The following TMPRSS9 variants were observed in gnomAD, a reference collection of about 807,000 sequenced individuals.
The protein encoded by TMPRSS9 is transmembrane serine protease 9, also known as transmembrane protease serine 9.
TMPRSS9 carries 113 observed loss-of-function variants against 111.4 expected under a neutral mutation model. The observed-to-expected ratio is 1.01, with a 90% confidence interval of 0.87 to 1.19. TMPRSS9 has a LOEUF of 1.19. TMPRSS9 is among the 50% of genes most tolerant of loss of function. The pLI is 0.00. For synonymous variants in TMPRSS9, 805 were observed against 659.1 expected (o/e 1.22, Z -3.39); for missense variants, 1,803 against 1,513.1 (o/e 1.19, Z -3.18).
exon 4 of TMPRSS9, chr19:2,399,122 T>C: frequency 6.2e-7 from 1 of 1,613,594 alleles, no homozygotes; most frequent in Non-Finnish European, 8.5e-7. Context: ...CAGCGAGGGA[T>C]CCGGGCAAGG....
chr19:2,399,536 A>C (rs1431125465), intron 4 of TMPRSS9, among the ~76,000 whole-genome samples: 1 of 152,300 alleles, frequency 6.6e-6, no homozygotes, highest in South Asian at 2.1e-4. Context: ...AGATCGTGCC[A>C]TTGCACTCCA....
intron 1 of TMPRSS9, among the ~76,000 whole-genome samples, chr19:2,390,300 G>GCA (rs1970560619): frequency 1.0e-5 from 1 of 95,290 alleles, no homozygotes; most frequent in Non-Finnish European, 2.5e-5. Flanking sequence ...GAGTGCAGTG[G>GCA]TGTGATATCT....
intron 15 of TMPRSS9, 50 bp downstream of exon 16, chr19:2,424,307 G>A (rs778083836): frequency 2.3e-6 from 3 of 1,300,044 alleles, no homozygotes; most frequent in South Asian, 5.8e-5. Context: ...TAGCTCACCC[G>A]GAACCGAACT....
At chr19:2,415,241 G>A (rs543129462) in intron 10 of TMPRSS9, among the ~76,000 whole-genome samples, 1 of 152,124 alleles carries the variant, frequency 6.6e-6, no homozygotes, top group East Asian at 1.9e-4. Context: ...CACCGCGCCC[G>A]GCCATGCTTC....
chr19:2,385,713 T>C (rs1232889122), upstream of TMPRSS9, among the ~76,000 whole-genome samples: 3 of 151,470 alleles, frequency 2.0e-5, no homozygotes, highest in African/African-American at 2.4e-5. Context: ...ATTAACCGGG[T>C]GTGGTGGCAT....
rs772852213 is a variant in TMPRSS9 at position 2,424,271 on chromosome 19, G to A, written c.2717+14G>A. 5 of 1,347,480 alleles carry A rather than the reference G, an allele frequency of 3.7e-6. No homozygotes were observed. The highest frequency in any genetic ancestry group is 6.0e-5 in the Admixed American group (2 of 33,392). 83.5% of individuals were successfully genotyped at this position (1,347,480 alleles called of 1,614,324 possible). On this transcript the variant is annotated intron_variant, in intron 15 of 17. Coordinates refer to ENST00000648592, the Ensembl canonical transcript of TMPRSS9. ...CTGCTTCGACGTGTGAGTTCCAAAC[G>A]CTCCAAATGCCCCTACATGTCTCTG...
At chr19:2,385,163 C>T (rs1469808379), upstream of TMPRSS9, among the ~76,000 whole-genome samples, 1,567 of 32,688 alleles carry the variant, frequency 0.048, 44 homozygotes, top group African/African-American at 0.17. Context: ...TCGCGGAGGG[C>T]GGGGCTCGCG....
At chr19:2,374,899 C>T (rs1282048578) in intron 1 of TMPRSS9, among the ~76,000 whole-genome samples, 3 of 152,046 alleles carry the variant, frequency 2.0e-5, no homozygotes, top group Non-Finnish European at 4.4e-5. Context: ...GAAGTTCCTG[C>T]TCTCCGCTTC....
At chr19:2,361,321 T>G (rs1970195560) in intron 1 of TMPRSS9, among the ~76,000 whole-genome samples, 1 of 56,320 alleles carries the variant, frequency 1.8e-5, no homozygotes, top group Non-Finnish European at 3.3e-5. Flanking sequence ...GATGGGTTGG[T>G]GGGGTGGGGT....
chr19:2,421,790 T>G (rs1599317903), intron 13 of TMPRSS9, 64 bp from the exon 15 acceptor site: 3 of 1,501,856 alleles, frequency 2.0e-6, no homozygotes, highest in East Asian at 2.3e-5. Context: ...CGCAGGAGGG[T>G]ATGGCAGTGC....
chr19:2,381,707 C>G (rs1039985339), intron 1 of TMPRSS9, among the ~76,000 whole-genome samples: 3 of 152,082 alleles, frequency 2.0e-5, no homozygotes, highest in African/African-American at 4.8e-5. Flanking sequence ...AGTGGCTGTT[C>G]CCAGAGGAAC....
Position 2,415,956 on chromosome 19 carries a change from C to G in TMPRSS9, c.1745+115C>G, listed in dbSNP as rs76780281. 9.5e-3 allele frequency: 12,058 copies of G among 1,264,238 alleles called. 231 individuals are homozygous for G. Among genetic ancestry groups the G allele is most frequent in the East Asian group, 0.082 (2,912 of 35,718 alleles). 78.3% of individuals were successfully genotyped at this position (1,264,238 alleles called of 1,614,324 possible). A position where few individuals can be genotyped will look rare whatever the true frequency, so the allele number is the denominator to read the frequency against. ...TGGACCCCACTGGGGAGCAGCCCTT[C>G]CTCTCCTGAGGGCAGCTGAGAGACA... is the stretch of plus-strand genomic sequence containing the variant. On this transcript the variant is annotated intron_variant, in intron 11 of 17. Coordinates refer to ENST00000648592, the Ensembl canonical transcript of TMPRSS9.
chr19:2,416,752 T>G (rs1971245177), exon 12 of TMPRSS9: 4 of 1,612,890 alleles, frequency 2.5e-6, no homozygotes, highest in Non-Finnish European at 3.4e-6. Context: ...CATCCAGAAG[T>G]TCCCTGTGGG....
chr19:2,368,774 G>GTTTTTTTTTT (rs762761358), intron 1 of TMPRSS9, among the ~76,000 whole-genome samples: 1,725 of 70,272 alleles, frequency 0.025, 379 homozygotes, highest in Non-Finnish European at 0.027. Flanking sequence ...GATAAACCCA[G>GTTTTTTTTTT]TTTTTTTTTT....
At chr19:2,398,484 G>A (rs1005529374) in intron 2 of TMPRSS9, among the ~76,000 whole-genome samples, 1 of 151,744 alleles carries the variant, frequency 6.6e-6, no homozygotes, top group Middle Eastern at 3.2e-3. Flanking sequence ...TGGGCATGGT[G>A]GCGGGCACCT....
At chr19:2,385,558 G>T (rs1441871210), upstream of TMPRSS9, among the ~76,000 whole-genome samples, 1 of 152,028 alleles carries the variant, frequency 6.6e-6, no homozygotes, top group Admixed American at 6.6e-5. Flanking sequence ...AACAGGGACT[G>T]GCAAATGATT....
rs1369636620 is a variant in TMPRSS9, at chr19:2,418,233, CCTTT to C, written c.2154+101_2154+104del. On this transcript the variant is annotated intron_variant, in intron 13 of 17. Transcript: ENST00000648592. ...TTTGTGTGCAGACCTAGATTTTTTT[CCTTT>C]CTTTCCTTCCCCCCCTCCTTCCCTC... 42 of 1,503,066 alleles carry C rather than the reference CCTTT, an allele frequency of 2.8e-5. 1 individual carries two copies. Among genetic ancestry groups the C allele is most frequent in the Non-Finnish European group, 3.2e-5 (35 of 1,104,038 alleles). The allele number at this position is 1,503,066 out of a possible 1,614,324, so 93.1% of individuals were successfully genotyped here.
intron 1 of TMPRSS9, among the ~76,000 whole-genome samples, chr19:2,379,648 T>TCTTTCTTTCTTTCTTC (rs1568170816): frequency 2.0e-5 from 3 of 149,360 alleles, no homozygotes; most frequent in Non-Finnish European, 3.0e-5. Flanking sequence ...TTTCTTTCTT[T>TCTTTCTTTCTTTCTTC]CTTTCTTTCT....
At chr19:2,396,441 G>C (rs1200169363) in intron 1 of TMPRSS9, 98 bp from the exon 3 acceptor site, 3 of 1,408,184 alleles carry the variant, frequency 2.1e-6, no homozygotes, top group Admixed American at 2.4e-5. Flanking sequence ...GACCACCAGG[G>C]TGTGTGAGTG....
Sources: allele counts gnomAD v4.1 joint callset (sites outside exome capture counted in the v4.1 genomes callset), GRCh38; gene constraint gnomAD v4.1.1; transcripts MANE v1.5; gene names NCBI Gene and HGNC (gene_info 2026-07-23, HGNC 2026-07-21).